The following TPGS2 variants were observed in gnomAD, a reference collection of about 807,000 sequenced individuals.
The protein encoded by TPGS2 is polyglutamylase subunit 2.
In TPGS2, 26 loss-of-function variants were observed where a neutral mutation model predicts 31.1. That is an observed-to-expected ratio of 0.84 (90% CI 0.61 to 1.16). The LOEUF is 1.16. Ranked by LOEUF, TPGS2 falls within the 50% of genes most tolerant of loss-of-function variation. TPGS2 has a pLI of 0.00. For missense variants in TPGS2, 351 were observed against 363.8 expected (o/e 0.96, Z 0.29); for synonymous variants, 130 against 136.6 (o/e 0.95, Z 0.34).
intron 1 of TPGS2, among the ~76,000 whole-genome samples, chr18:36,824,922 A>T (rs2046063293): frequency 6.6e-6 from 1 of 152,148 alleles, no homozygotes. Flanking sequence ...TCCAGTGCCT[A>T]ACTCAATGTC....
At chr18:36,810,510 T>C (rs72883588) in intron 2 of TPGS2, among the ~76,000 whole-genome samples, 18,403 of 151,892 alleles carry the variant, frequency 0.12, 1,384 homozygotes, top group Admixed American at 0.17. Flanking sequence ...GGGGGTGTGA[T>C]AGGAGGGCAG....
chr18:36,824,351 T>C (rs924223259), intron 1 of TPGS2, among the ~76,000 whole-genome samples: 7 of 152,246 alleles, frequency 4.6e-5, no homozygotes, highest in Non-Finnish European at 1.0e-4. Flanking sequence ...CATGTAAATA[T>C]CTTTTCATTT....
chr18:36,808,770 G>T (rs560833276), intron 2 of TPGS2, among the ~76,000 whole-genome samples: 1 of 150,514 alleles, frequency 6.6e-6, no homozygotes, highest in Non-Finnish European at 1.5e-5. Context: ...CATCCAAACC[G>T]TTGCTGGAGA....
chr18:36,786,653 C>T, intron 6 of TPGS2: 1 of 422,920 alleles, frequency 2.4e-6, no homozygotes. Flanking sequence ...CTTTTAATAT[C>T]AATGCTGATC....
At chr18:36,792,634 C>T (rs2044354517), downstream of TPGS2, among the ~76,000 whole-genome samples, 1 of 152,132 alleles carries the variant, frequency 6.6e-6, no homozygotes, top group Non-Finnish European at 1.5e-5. Flanking sequence ...ATCTTGATGG[C>T]TGGAACCTTT....
intron 2 of TPGS2, among the ~76,000 whole-genome samples, chr18:36,811,161 A>G (rs917708391): frequency 6.6e-6 from 1 of 152,238 alleles, no homozygotes; most frequent in Non-Finnish European, 1.5e-5. Flanking sequence ...AATGAGCACA[A>G]CGGCATCTCC....
rs60262053 is a variant in TPGS2, at chr18:36,796,154, C to G, written c.*651G>C. The G allele has an allele frequency of 1.0e-6, 1 of 985,348 alleles. No homozygotes were observed. Among genetic ancestry groups the G allele is most frequent in the African/African-American group, 1.7e-5 (1 of 57,336 alleles). 61.0% of individuals were successfully genotyped at this position (985,348 alleles called of 1,614,324 possible). On this transcript the variant is annotated 3_prime_UTR_variant, in exon 7 of 7. Coordinates refer to ENST00000334295, the MANE Select transcript of TPGS2 (RefSeq NM_015476.4). ...TGTGGTAAGGGATACAAAGAACATACAATTGTGTACTTGAGAGGTTTCATG... is the reference window on the plus strand; with the variant it reads ...TGTGGTAAGGGATACAAAGAACATAGAATTGTGTACTTGAGAGGTTTCATG...
rs915213140 is a variant in TPGS2 at position 36,794,579 on chromosome 18, C to T, written c.*2226G>A. On this transcript the variant is annotated 3_prime_UTR_variant, in exon 7 of 7. Transcript: ENST00000334295. ...TCAACTCCCTTCTAACCTCGCTTGT[C>T]TTGGAGAAGCAGCCAAATGCTAGAA... 1.1e-4 allele frequency: 112 copies of T among 985,278 alleles called. 1 individual carries two copies. The highest frequency in any genetic ancestry group is 1.3e-4 in the Non-Finnish European group (110 of 829,944). The allele number at this position is 985,278 out of a possible 1,614,324, so 61.0% of individuals were successfully genotyped here.
chr18:36,824,514 C>T (rs1342344620), intron 1 of TPGS2, among the ~76,000 whole-genome samples: 1 of 152,194 alleles, frequency 6.6e-6, no homozygotes, highest in African/African-American at 2.4e-5. Flanking sequence ...ATGATATCTT[C>T]ATATCCTCAC....
rs563542654 is a variant in TPGS2, at chr18:36,823,617, C to A, written c.86-4644G>T. On this transcript the variant is annotated intron_variant, in intron 1 of 6. Coordinates refer to ENST00000334295, the MANE Select transcript of TPGS2 (RefSeq NM_015476.4). Reference sequence around the variant, plus strand: ...CTGGGACTACAGGCGCCCGCTACCACGCCCGGCTAATTTTTTGTATTTTTA... The same window carrying A: ...CTGGGACTACAGGCGCCCGCTACCAAGCCCGGCTAATTTTTTGTATTTTTA... Among the ~76,000 whole-genome samples the A allele has an allele frequency of 2.9e-3, 439 of 151,150 alleles. 2 individuals carry two copies. The highest frequency in any genetic ancestry group is 0.01 in the African/African-American group (421 of 41,118).
intron 2 of TPGS2, among the ~76,000 whole-genome samples, chr18:36,817,433 C>CTT (rs111810411): frequency 2.8e-5 from 4 of 141,110 alleles, no homozygotes; most frequent in African/African-American, 5.2e-5. Context: ...TTCTTTCTTT[C>CTT]TTTTTTTTTT....
intron 4 of TPGS2, 122 bp downstream of exon 4, chr18:36,805,252 A>C (rs2150595422): frequency 8.6e-7 from 1 of 1,157,684 alleles, no homozygotes; most frequent in Non-Finnish European, 1.2e-6. Context: ...TGATACTGAA[A>C]TGTTGAGTGA....
At chr18:36,794,038 GCCAAGTGCTCATATTTTCAT>G (rs1444136755), downstream of TPGS2, 1 of 166,960 alleles carries the variant, frequency 6.0e-6, no homozygotes. Context: ...ACCGTGCCTG[GCCAAGTGCTCATATTTTCAT>G]TTAAAACTGG....
At chr18:36,793,086 T>G (rs970745413), downstream of TPGS2, among the ~76,000 whole-genome samples, 12 of 152,176 alleles carry the variant, frequency 7.9e-5, no homozygotes, top group Non-Finnish European at 1.6e-4. Context: ...GCTTCATGGG[T>G]GGGTGACCTG....
intron 2 of TPGS2, among the ~76,000 whole-genome samples, chr18:36,814,601 G>A (rs1382906589): frequency 6.6e-6 from 1 of 152,142 alleles, no homozygotes; most frequent in African/African-American, 2.4e-5. Flanking sequence ...ATGAGATCCA[G>A]AGAAGTTACA....
At chr18:36,822,881 G>A (rs375877282) in intron 1 of TPGS2, among the ~76,000 whole-genome samples, 13 of 152,318 alleles carry the variant, frequency 8.5e-5, no homozygotes, top group East Asian at 5.8e-4. Flanking sequence ...TTACAGGCAT[G>A]AGCCGCAGTG....
chr18:36,795,608 T>C lies in TPGS2; in HGVS notation c.*1197A>G, dbSNP rs1316390701. On this transcript the variant is annotated 3_prime_UTR_variant, in exon 7 of 7. Coordinates refer to ENST00000334295, the MANE Select transcript of TPGS2 (RefSeq NM_015476.4). ...AATTGAAAATCTGAGCAACCTTCTC[T>C]GTAAAAATTTCATTAAATGTAGTAG... The C allele has an allele frequency of 4.1e-6, 4 of 985,472 alleles. No homozygotes were observed. The highest frequency in any genetic ancestry group is 3.6e-6 in the Non-Finnish European group (3 of 829,934). The allele number at this position is 985,472 out of a possible 1,614,324, so 61.0% of individuals were successfully genotyped here.
chr18:36,821,631 A>C (rs1413320711), intron 1 of TPGS2, among the ~76,000 whole-genome samples: 2 of 152,370 alleles, frequency 1.3e-5, no homozygotes, highest in Non-Finnish European at 2.9e-5. Context: ...ATATAAGACA[A>C]ACATGAAACA....
At chr18:36,808,463 C>T (rs1254008055) in intron 2 of TPGS2, among the ~76,000 whole-genome samples, 5 of 152,024 alleles carry the variant, frequency 3.3e-5, no homozygotes, top group Non-Finnish European at 7.4e-5. Flanking sequence ...ATGGTGAAAC[C>T]CCATCTCTAC....
Sources: gnomAD v4.1 joint callset for allele counts (sites outside exome capture counted in the v4.1 genomes callset) on GRCh38, gnomAD v4.1.1 for gene constraint, MANE v1.5 for transcripts, NCBI Gene and HGNC (gene_info 2026-07-23, HGNC 2026-07-21) for gene names.